Variants in KANK1 observed in about 807,000 individuals in gnomAD.
The protein encoded by KANK1 is KN motif and ankyrin repeat domain-containing protein 1.
Under a neutral mutation model 106.2 loss-of-function variants are expected in KANK1, and 109 were observed. That is an observed-to-expected ratio of 1.03 (90% CI 0.88 to 1.20). The LOEUF (loss-of-function observed/expected upper bound fraction) is 1.20, where lower values mean the gene tolerates loss of function less well. Among genes scored for constraint, KANK1 ranks in the 50% most tolerant of loss-of-function variants. KANK1 has a pLI of 0.00. For missense variants in KANK1, 2,399 were observed against 1,710.7 expected, an observed-to-expected ratio of 1.40 and a Z score of -7.10; for synonymous variants, 873 against 652.2, an observed-to-expected ratio of 1.34 and a Z score of -5.16.
chr9:725,098 C>T (rs1479051788), intron 3 of KANK1, among the ~76,000 whole-genome samples: 1 of 152,128 alleles, frequency 6.6e-6, no homozygotes, highest in Non-Finnish European at 1.5e-5. Flanking sequence ...AGGTAGCCCC[C>T]ATGTCCCACA....
chr9:532,170 CAG>C (rs1220610651), intron 1 of KANK1, among the ~76,000 whole-genome samples: 4 of 150,342 alleles, frequency 2.7e-5, no homozygotes, highest in African/African-American at 4.9e-5. Flanking sequence ...TAACGGTGAA[CAG>C]AGATTTAAAA....
At chr9:661,067 A>G (rs1053856368) in intron 1 of KANK1, among the ~76,000 whole-genome samples, 9 of 127,100 alleles carry the variant, frequency 7.1e-5, no homozygotes, top group African/African-American at 2.4e-4. Flanking sequence ...AAAGTAACCA[A>G]CTGGTTTTGA....
At chr9:640,584 A>G (rs555396565) in intron 1 of KANK1, among the ~76,000 whole-genome samples, 2 of 151,798 alleles carry the variant, frequency 1.3e-5, no homozygotes, top group South Asian at 4.2e-4. Context: ...TTTTGTACAG[A>G]TGGGGTTTCA....
At chr9:502,778 G>A (rs144663026), upstream of KANK1, among the ~76,000 whole-genome samples, 1 of 152,078 alleles carries the variant, frequency 6.6e-6, no homozygotes, top group East Asian at 1.9e-4. Context: ...CACCCATCTC[G>A]GCCTCACAAA....
rs925566423 is a variant in KANK1 at position 686,731 on chromosome 9, T to C, written c.37+9722T>C. On this transcript the variant is annotated intron_variant, in intron 2 of 11. Transcript: ENST00000382297. ...CAGCATCACGTCATAAGTGCAATGA[T>C]TGTTACCTATGAGCCTATCCGGTAA... The C allele has an allele frequency of 8.2e-6, 8 of 981,448 alleles. No individual in the cohort carries two copies. The African/African-American group carries it at 1.1e-4, about 13-fold the overall frequency. 60.8% of individuals were successfully genotyped at this position (981,448 alleles called of 1,614,324 possible).
At chr9:521,622 A>G (rs897023612) in intron 1 of KANK1, among the ~76,000 whole-genome samples, 1 of 142,880 alleles carries the variant, frequency 7.0e-6, no homozygotes, top group Non-Finnish European at 1.5e-5. Flanking sequence ...GCTGGAGTGC[A>G]ATGGTGTGAT....
intron 1 of KANK1, among the ~76,000 whole-genome samples, chr9:614,476 A>G (rs577858195): frequency 3.9e-5 from 6 of 152,270 alleles, no homozygotes; most frequent in Admixed American, 2.6e-4. Flanking sequence ...TTTTTACAGC[A>G]TATCTTGGCT....
At chr9:741,066 A>T in intron 9 of KANK1, 132 bp downstream of exon 9, 1 of 956,154 alleles carries the variant, frequency 1.0e-6, no homozygotes, top group Non-Finnish European at 1.5e-6. Flanking sequence ...GCCTGCCCTG[A>T]GTCCATACAC....
intron 1 of KANK1, among the ~76,000 whole-genome samples, chr9:561,938 G>A (rs1259613757): frequency 2.6e-5 from 4 of 151,790 alleles, no homozygotes; most frequent in African/African-American, 9.7e-5. Flanking sequence ...ACGCAATGCT[G>A]TTAGGTTGCA....
chr9:518,382 C>A (rs1409071111), intron 1 of KANK1, among the ~76,000 whole-genome samples: 1 of 151,604 alleles, frequency 6.6e-6, no homozygotes, highest in East Asian at 1.9e-4. Flanking sequence ...TCCCCTTCTC[C>A]CTCCTTGACC....
At chr9:702,606 C>A (rs1447158771) in intron 2 of KANK1, among the ~76,000 whole-genome samples, 1 of 152,152 alleles carries the variant, frequency 6.6e-6, no homozygotes, top group Non-Finnish European at 1.5e-5. Context: ...ATGTTTTATT[C>A]GGTCTGCACT....
chr9:501,689 T>C (rs2058556391), upstream of KANK1, among the ~76,000 whole-genome samples: 2 of 151,144 alleles, frequency 1.3e-5, no homozygotes, highest in South Asian at 4.2e-4. Context: ...AAATTACTGC[T>C]GAGAGTATTT....
At chr9:546,672 C>T (rs2060949945) in intron 1 of KANK1, among the ~76,000 whole-genome samples, 2 of 151,764 alleles carry the variant, frequency 1.3e-5, no homozygotes, top group Non-Finnish European at 2.9e-5. Context: ...CACCCCCACT[C>T]CCCCAAGCAG....
At chr9:692,219 C>A (rs1410845567) in intron 2 of KANK1, among the ~76,000 whole-genome samples, 1 of 152,208 alleles carries the variant, frequency 6.6e-6, no homozygotes, top group South Asian at 2.1e-4. Flanking sequence ...CCTTCTGTCT[C>A]ATCTCCTACT....
At chr9:600,153 T>A (rs1354667361) in intron 1 of KANK1, among the ~76,000 whole-genome samples, 2 of 151,780 alleles carry the variant, frequency 1.3e-5, no homozygotes, top group African/African-American at 4.9e-5. Context: ...AAAACTCTTT[T>A]TCATCTTTCA....
Position 732,576 on chromosome 9 carries a change from G to C in KANK1, c.3204G>C (p.Gln1068His), listed in dbSNP as rs762991305. ...LKSARVEDEM[Q>H]VQECEPEKVE... ...CTGCCAGGGTGGAAGATGAAATGCA[G>C]GTTCAAGAATGTGAACCTGAGAAGG... The change falls in exon 6 of 12, where the codon CAG becomes CAC. Residue 1068 changes from glutamine (Q) to histidine (H), a missense_variant. Physicochemically the swap from Gln to His is conservative, Grantham distance 24 (BLOSUM62 0). Transcript: ENST00000382297. The C allele has an allele frequency of 2.5e-6, 4 of 1,614,114 alleles. No homozygotes were observed. The highest frequency in any genetic ancestry group is 2.5e-6 in the Non-Finnish European group (3 of 1,180,026).
At chr9:606,142 TACACACACACACACACACAC>T (rs3028170) in intron 1 of KANK1, among the ~76,000 whole-genome samples, 2 of 141,696 alleles carry the variant, frequency 1.4e-5, no homozygotes, top group African/African-American at 5.5e-5. Flanking sequence ...CACATATTCC[TACACACACACACACACACAC>T]ACACACACAC....
At position 710,846 on chromosome 9, in the gene KANK1, A is replaced by C; in HGVS notation, c.80A>C (p.Gln27Pro). 1.9e-6 allele frequency: 3 copies of C among 1,611,662 alleles called. No homozygotes were observed. The highest frequency in any genetic ancestry group is 2.5e-6 in the Non-Finnish European group (3 of 1,179,098). The change falls in exon 3 of 12, where the codon CAG becomes CCG. Residue 27 changes from glutamine (Q) to proline (P), a missense_variant. Physicochemically the swap from Gln to Pro is moderately conservative, Grantham distance 76. Coordinates refer to ENST00000382297, the MANE Select transcript of KANK1 (RefSeq NM_015158.5). Reference protein sequence around the residue: ...DILSGDQDKEQKDPYFVETPY... With the variant: ...DILSGDQDKEPKDPYFVETPY... ...CTCAGTGGAGACCAGGACAAGGAACAGAAAGACCCTTACTTTGTGGAGACC... is the reference window on the plus strand; with the variant it reads ...CTCAGTGGAGACCAGGACAAGGAACCGAAAGACCCTTACTTTGTGGAGACC...
chr9:490,786 C>T (rs147932793), intron 3 of KANK1, among the ~76,000 whole-genome samples: 527 of 152,126 alleles, frequency 3.5e-3, no homozygotes, highest in African/African-American at 0.012. Flanking sequence ...GTGGTAAGTG[C>T]CAGGGACTAT....
Sources: allele counts gnomAD v4.1 joint callset (sites outside exome capture counted in the v4.1 genomes callset), GRCh38; gene constraint gnomAD v4.1.1; transcripts MANE v1.5; gene names NCBI Gene and HGNC (gene_info 2026-07-23, HGNC 2026-07-21).